ITPRID1: variants seen among roughly 807,000 people sequenced by gnomAD.
ITPRID1 encodes ITPR interacting domain containing 1.
A neutral mutation model predicts 95.4 loss-of-function variants in ITPRID1; 96 were observed. The observed-to-expected ratio is 1.01, with a 90% CI of 0.85 to 1.19. ITPRID1 has a LOEUF of 1.19. Among genes scored for constraint, ITPRID1 ranks in the 50% most tolerant of loss-of-function variants. The probability of loss-of-function intolerance (pLI) is 0.00; values close to 1 mark genes in which losing one functional copy is unlikely to be tolerated. For synonymous variants in ITPRID1, 510 were observed against 453.6 expected (o/e 1.12, Z -1.58); for missense variants, 1,339 against 1,252.9 (o/e 1.07, Z -1.04).
intron 10 of ITPRID1, among the ~76,000 whole-genome samples, chr7:31,597,626 T>C (rs1786144653): frequency 6.6e-6 from 1 of 152,082 alleles, no homozygotes; most frequent in Admixed American, 6.6e-5. Context: ...CTATGTCTTA[T>C]AAAGGATAAC....
At chr7:31,592,531 G>A (rs921197505) in intron 10 of ITPRID1, among the ~76,000 whole-genome samples, 12 of 152,190 alleles carry the variant, frequency 7.9e-5, no homozygotes, top group Non-Finnish European at 1.3e-4. Flanking sequence ...TTCATTAAAA[G>A]TAGTTTTTCC....
intron 12 of ITPRID1, among the ~76,000 whole-genome samples, chr7:31,647,750 C>G (rs1790618439): frequency 6.7e-6 from 1 of 150,016 alleles, no homozygotes; most frequent in Admixed American, 6.6e-5. Context: ...GAGTTCTGAG[C>G]AGATGTTGAA....
chr7:31,598,039 AGGT>A (rs1442901922), intron 10 of ITPRID1, among the ~76,000 whole-genome samples: 14 of 152,226 alleles, frequency 9.2e-5, no homozygotes, highest in Non-Finnish European at 1.6e-4. Context: ...TGAGACAGTA[AGGT>A]GGTTATCCAT....
chr7:31,625,829 A>T lies in ITPRID1; in HGVS notation c.1229-16347A>T, dbSNP rs555207955. Among the ~76,000 whole-genome samples the T allele has an allele frequency of 6.6e-4, 98 of 147,998 alleles. 1 individual carries two copies. The South Asian group carries it at 9.3e-3, about 14-fold the overall frequency. On this transcript the variant is annotated intron_variant, in intron 10 of 14. Coordinates refer to ENST00000615280, the MANE Select transcript of ITPRID1 (RefSeq NM_001257967.3). ...CTTTCCTTAGAATGTCTTTTTTTTT[A>T]AATTTTTTCTTTATAAAGCTATTTT...
chr7:31,557,377 C>T (rs1784482719), intron 5 of ITPRID1, among the ~76,000 whole-genome samples: 1 of 152,020 alleles, frequency 6.6e-6, no homozygotes, highest in Non-Finnish European at 1.5e-5. Flanking sequence ...TTGGACTGGG[C>T]CCAAATAACA....
chr7:31,566,672 C>T (rs1165156768), intron 5 of ITPRID1, among the ~76,000 whole-genome samples: 1 of 152,156 alleles, frequency 6.6e-6, no homozygotes, highest in African/African-American at 2.4e-5. Flanking sequence ...ATTGTGGCAT[C>T]AAGTTATTAC....
intron 10 of ITPRID1, among the ~76,000 whole-genome samples, chr7:31,619,004 A>G (rs2391994): frequency 6.6e-6 from 1 of 152,220 alleles, no homozygotes; most frequent in South Asian, 2.1e-4. Flanking sequence ...ATCCCCTTAC[A>G]TTGTGTCTGA....
In ITPRID1 at chr7:31,651,173, C is replaced by A. The variant is rs200617855; in HGVS notation, c.2615C>A (p.Thr872Lys). 6.2e-7 allele frequency: 1 copy of A among 1,613,410 alleles called. No individual in the cohort carries two copies. The highest frequency in any genetic ancestry group is 1.7e-5 in the Admixed American group (1 of 59,998). ...CTVHEMEAMK[T>K]ICQSFREYLE... ...GTCCATGAGATGGAAGCCATGAAGA[C>A]GATATGCCAAAGTTTCCGGGAGTAT... is the stretch of plus-strand genomic sequence containing the variant. Residue 872 changes from threonine to lysine, a missense_variant, in exon 13 of 15, where the codon ACG becomes AAG. Physicochemically the swap from Thr to Lys is moderately conservative, Grantham distance 78 (BLOSUM62 -1). Transcript: ENST00000615280.
In ITPRID1 at chr7:31,612,616, G is replaced by A. The variant is rs535387289; in HGVS notation, c.1228+29425G>A. Among the ~76,000 whole-genome samples, 166 of 152,154 alleles carry A rather than the reference G, an allele frequency of 1.1e-3. 1 individual carries two copies. Among genetic ancestry groups the A allele is most frequent in the African/African-American group, 3.8e-3 (158 of 41,524 alleles). On this transcript the variant is annotated intron_variant, in intron 10 of 14. Transcript: ENST00000615280. ...TACTTGAATAGCCTAGTTAATGACT[G>A]GACAGAGATTTTTTTAAGTGACTTG...
chr7:31,569,908 C>T, intron 6 of ITPRID1, 99 bp downstream of exon 6: 5 of 917,268 alleles, frequency 5.5e-6, no homozygotes, highest in Non-Finnish European at 8.2e-6. Context: ...ATTGCCATAG[C>T]TCTTGGGATC....
chr7:31,596,818 A>G (rs895394374), intron 10 of ITPRID1, among the ~76,000 whole-genome samples: 1 of 151,730 alleles, frequency 6.6e-6, no homozygotes, highest in Non-Finnish European at 1.5e-5. Context: ...ATAGCAATTA[A>G]GCTGATTAGT....
chr7:31,535,509 G>A (rs1162105995), intron 1 of ITPRID1, among the ~76,000 whole-genome samples: 1 of 151,462 alleles, frequency 6.6e-6, no homozygotes, highest in Non-Finnish European at 1.5e-5. Flanking sequence ...TGTGTGTGTG[G>A]GTATATTCCT....
chr7:31,619,758 G>C (rs912162770), intron 10 of ITPRID1, among the ~76,000 whole-genome samples: 6 of 152,124 alleles, frequency 3.9e-5, no homozygotes, highest in Non-Finnish European at 7.3e-5. Flanking sequence ...AGTGGGCGCA[G>C]GTCAGTGGGT....
chr7:31,605,370 C>G (rs1786573292), intron 10 of ITPRID1, among the ~76,000 whole-genome samples: 1 of 152,128 alleles, frequency 6.6e-6, no homozygotes, highest in South Asian at 2.1e-4. Context: ...TAATTACTGC[C>G]CAAGTGCTAG....
chr7:31,535,442 T>C (rs1783727902), intron 1 of ITPRID1, among the ~76,000 whole-genome samples: 1 of 151,962 alleles, frequency 6.6e-6, no homozygotes, highest in Admixed American at 6.6e-5. Flanking sequence ...TCAGTAGATA[T>C]GTAATTAATA....
chr7:31,577,656 C>T (rs776077313), intron 8 of ITPRID1, among the ~76,000 whole-genome samples: 2 of 152,114 alleles, frequency 1.3e-5, no homozygotes, highest in South Asian at 2.1e-4. Context: ...GTTCACTTTC[C>T]CCATAACACA....
chr7:31,603,214 AT>A (rs1329155085), intron 10 of ITPRID1, among the ~76,000 whole-genome samples: 5 of 152,164 alleles, frequency 3.3e-5, no homozygotes, highest in Admixed American at 6.5e-5. Flanking sequence ...ACATTATGAC[AT>A]GGAACCTCAC....
intron 1 of ITPRID1, among the ~76,000 whole-genome samples, chr7:31,524,002 A>G (rs1357062346): frequency 2.0e-5 from 3 of 152,192 alleles, no homozygotes; most frequent in Non-Finnish European, 4.4e-5. Flanking sequence ...TCTTGGAATC[A>G]TTACCCTAGG....
At chr7:31,515,056 C>G (rs1219237821) in intron 1 of ITPRID1, among the ~76,000 whole-genome samples, 1 of 151,918 alleles carries the variant, frequency 6.6e-6, no homozygotes, top group Non-Finnish European at 1.5e-5. Context: ...TAGTAATTAT[C>G]TATTCTTATT....
Sources: allele counts gnomAD v4.1 joint callset (sites outside exome capture counted in the v4.1 genomes callset), GRCh38; gene constraint gnomAD v4.1.1; transcripts MANE v1.5; gene names NCBI Gene and HGNC (gene_info 2026-07-23, HGNC 2026-07-21).